Variants in TMEM108 observed in about 807,000 individuals in gnomAD.
TMEM108 encodes cancer/testis antigen 124.
A neutral mutation model predicts 35.1 loss-of-function variants in TMEM108; 12 were observed. The observed-to-expected ratio is 0.34, with a 90% CI of 0.22 to 0.55. The LOEUF is 0.55. Among genes scored for constraint, TMEM108 ranks in the 20% least tolerant of loss-of-function variants. The pLI, the probability that TMEM108 is intolerant of heterozygous loss-of-function variation, is 0.89. For missense variants in TMEM108, 680 were observed against 753.3 expected (o/e 0.90, Z 1.14); for synonymous variants, 287 against 308.6 (o/e 0.93, Z 0.73).
chr3:133,257,393 G>C (rs1946563072), intron 3 of TMEM108, among the ~76,000 whole-genome samples: 1 of 152,186 alleles, frequency 6.6e-6, no homozygotes, highest in Non-Finnish European at 1.5e-5. Context: ...CAGTCTCTGA[G>C]TAGTTACAAA....
intron 3 of TMEM108, among the ~76,000 whole-genome samples, chr3:133,376,746 T>C (rs1470015859): frequency 6.6e-6 from 1 of 152,324 alleles, no homozygotes; most frequent in African/African-American, 2.4e-5. Flanking sequence ...CCTGTTTCAC[T>C]AATCTCAGAC....
chr3:133,078,325 C>G (rs1943770018), intron 2 of TMEM108, among the ~76,000 whole-genome samples: 2 of 152,110 alleles, frequency 1.3e-5, no homozygotes, highest in African/African-American at 2.4e-5. Context: ...AGGGATGGCT[C>G]CAGCCTTCCT....
At chr3:133,246,562 C>G (rs1196774163) in intron 3 of TMEM108, 1 of 152,078 alleles carries the variant, frequency 6.6e-6, no homozygotes, top group Admixed American at 6.5e-5. Flanking sequence ...GCAGACATCT[C>G]TGGAAGCACA....
intron 2 of TMEM108, among the ~76,000 whole-genome samples, chr3:133,224,228 C>G (rs1322480676): frequency 6.6e-6 from 1 of 152,190 alleles, no homozygotes; most frequent in Admixed American, 6.5e-5. Context: ...TAGATACCCA[C>G]TAACCATTGC....
chr3:133,381,297 C>G lies in TMEM108; in HGVS notation c.1450+136C>G, dbSNP rs759246106. 2.3e-4 allele frequency: 215 copies of G among 934,280 alleles called. 1 individual carries two copies. The highest frequency in any genetic ancestry group is 3.2e-4 in the Non-Finnish European group (205 of 631,712). The allele number at this position is 934,280 out of a possible 1,614,324, so 57.9% of individuals were successfully genotyped here. A position where few individuals can be genotyped will look rare whatever the true frequency, so the allele number is the denominator to read the frequency against. On this transcript the variant is annotated intron_variant, in intron 4 of 5. Transcript: ENST00000321871. ...CCCAGAATCTCAGGAAACTAGGTAT[C>G]AGGACAGGTTATCCCTGACCCTAGT...
At chr3:133,225,680 A>G (rs146681049) in intron 2 of TMEM108, among the ~76,000 whole-genome samples, 260 of 82,442 alleles carry the variant, frequency 3.2e-3, no homozygotes, top group African/African-American at 0.013. Flanking sequence ...CTTAAAGTCA[A>G]TTTTGGAGGG....
intron 3 of TMEM108, among the ~76,000 whole-genome samples, chr3:133,362,859 C>T (rs2107796889): frequency 6.6e-6 from 1 of 152,264 alleles, no homozygotes; most frequent in South Asian, 2.1e-4. Flanking sequence ...TTTGAGGTCA[C>T]GCTTTACAAA....
chr3:133,118,883 G>T (rs1944318312), intron 2 of TMEM108, among the ~76,000 whole-genome samples: 1 of 152,132 alleles, frequency 6.6e-6, no homozygotes, highest in South Asian at 2.1e-4. Context: ...CAGACCAATA[G>T]TAAGAAGGTT....
intron 3 of TMEM108, among the ~76,000 whole-genome samples, chr3:133,285,504 G>A (rs1486327930): frequency 2.0e-5 from 3 of 152,166 alleles, no homozygotes; most frequent in Non-Finnish European, 2.9e-5. Context: ...TCAGAGAGAC[G>A]TTGTTAATAT....
intron 3 of TMEM108, among the ~76,000 whole-genome samples, chr3:133,337,178 G>T (rs559529439): frequency 6.6e-6 from 1 of 152,294 alleles, no homozygotes; most frequent in Admixed American, 6.5e-5. Context: ...TCCACCTGCT[G>T]ATCAAAGAAC....
At chr3:133,307,382 C>T (rs893423714) in intron 3 of TMEM108, among the ~76,000 whole-genome samples, 6 of 152,064 alleles carry the variant, frequency 3.9e-5, no homozygotes, top group Non-Finnish European at 5.9e-5. Context: ...TTAATTATGT[C>T]CCATTTGTCT....
intron 2 of TMEM108, among the ~76,000 whole-genome samples, chr3:133,209,396 G>A (rs1441744867): frequency 1.3e-5 from 2 of 152,112 alleles, no homozygotes; most frequent in Non-Finnish European, 2.9e-5. Flanking sequence ...TAATACAAGT[G>A]CATTAGACAA....
Position 133,172,705 on chromosome 3 carries a change from A to G in TMEM108, c.-46-56561A>G, listed in dbSNP as rs114774576. 4.0e-3 allele frequency among the ~76,000 whole-genome samples: 614 copies of G among 152,350 alleles called. 4 individuals are homozygous for G. Among genetic ancestry groups the G allele is most frequent in the African/African-American group, 0.014 (585 of 41,576 alleles). On this transcript the variant is annotated intron_variant, in intron 2 of 5. Transcript: ENST00000321871. Reference sequence around the variant, plus strand: ...GTTGGTACATGGTTTAAGATTTTAAAAAAGGACTTGCAATCTGATTTATTT... The same window carrying G: ...GTTGGTACATGGTTTAAGATTTTAAGAAAGGACTTGCAATCTGATTTATTT...
chr3:133,086,232 C>T (rs1309044711), intron 2 of TMEM108, among the ~76,000 whole-genome samples: 3 of 152,122 alleles, frequency 2.0e-5, no homozygotes, highest in Non-Finnish European at 2.9e-5. Flanking sequence ...TCAGCTTATT[C>T]GTTTCAGTGC....
intron 2 of TMEM108, among the ~76,000 whole-genome samples, chr3:133,178,786 A>C (rs1185872601): frequency 1.3e-5 from 2 of 152,248 alleles, no homozygotes; most frequent in Non-Finnish European, 2.9e-5. Context: ...AAGCAATGGC[A>C]ACAAAAGCCA....
At chr3:133,341,751 T>G (rs2071667329) in intron 3 of TMEM108, among the ~76,000 whole-genome samples, 1 of 151,934 alleles carries the variant, frequency 6.6e-6, no homozygotes, top group Non-Finnish European at 1.5e-5. Flanking sequence ...GAACTCATTT[T>G]TGACAAAGGG....
At chr3:133,240,218 T>C (rs893008285) in intron 3 of TMEM108, among the ~76,000 whole-genome samples, 17 of 152,214 alleles carry the variant, frequency 1.1e-4, no homozygotes, top group African/African-American at 3.4e-4. Flanking sequence ...TAGATCTCTT[T>C]ACTTCTGAGG....
chr3:133,155,558 T>G (rs535215566), intron 2 of TMEM108, among the ~76,000 whole-genome samples: 2 of 152,280 alleles, frequency 1.3e-5, no homozygotes, highest in South Asian at 4.2e-4. Flanking sequence ...CTGACTGATA[T>G]GAGATGGTAT....
At chr3:133,174,069 C>T (rs891700292) in intron 2 of TMEM108, among the ~76,000 whole-genome samples, 2 of 152,230 alleles carry the variant, frequency 1.3e-5, no homozygotes, top group African/African-American at 4.8e-5. Context: ...TCCCACGGAG[C>T]CTTGCTCATT....
Sources: allele counts gnomAD v4.1 joint callset (sites outside exome capture counted in the v4.1 genomes callset), GRCh38; gene constraint gnomAD v4.1.1; transcripts MANE v1.5; gene names NCBI Gene and HGNC (gene_info 2026-07-23, HGNC 2026-07-21).